CTNND2: variants seen among roughly 807,000 people sequenced by gnomAD.
CTNND2 encodes the protein catenin delta 2.
Under a neutral mutation model 144.4 loss-of-function variants are expected in CTNND2, and 22 were observed. The observed-to-expected ratio is 0.15, with a 90% CI of 0.11 to 0.22. CTNND2 has a LOEUF of 0.22. Among genes scored for constraint, CTNND2 ranks in the 10% least tolerant of loss-of-function variants. The probability of loss-of-function intolerance (pLI) is 1.00; values close to 1 mark genes in which losing one functional copy is unlikely to be tolerated. For missense variants in CTNND2, 1,353 were observed against 1,618.8 expected (o/e 0.84, Z 2.82); for synonymous variants, 751 against 695.6 (o/e 1.08, Z -1.25).
intron 18 of CTNND2, among the ~76,000 whole-genome samples, chr5:11,016,967 G>A (rs749316052): frequency 3.2e-5 from 3 of 92,312 alleles, no homozygotes; most frequent in Non-Finnish European, 5.4e-5. Context: ...AGTAGAGACT[G>A]GGTTTCACCA....
At chr5:11,528,246 G>A (rs184121404) in intron 3 of CTNND2, among the ~76,000 whole-genome samples, 19 of 151,950 alleles carry the variant, frequency 1.3e-4, no homozygotes, top group Admixed American at 3.3e-4. Context: ...GAGACAAGCC[G>A]CACAGGTCAC....
chr5:11,871,767 T>C (rs1735144276), intron 1 of CTNND2, among the ~76,000 whole-genome samples: 1 of 152,196 alleles, frequency 6.6e-6, no homozygotes, highest in Admixed American at 6.5e-5. Context: ...AGACTTGAGA[T>C]TGGACAAGCC....
intron 9 of CTNND2, among the ~76,000 whole-genome samples, chr5:11,282,390 T>C (rs1324183568): frequency 1.3e-5 from 2 of 152,112 alleles, no homozygotes; most frequent in Non-Finnish European, 2.9e-5. Flanking sequence ...ACCCTCTCTC[T>C]CCTAGCATGC....
chr5:11,775,063 G>A (rs1054774499), intron 1 of CTNND2, among the ~76,000 whole-genome samples: 11 of 152,064 alleles, frequency 7.2e-5, no homozygotes, highest in Non-Finnish European at 1.0e-4. Context: ...CGGGGGGGCG[G>A]TGCGGGCAAG....
At chr5:11,731,425 G>T (rs1459697948) in intron 2 of CTNND2, among the ~76,000 whole-genome samples, 1 of 152,138 alleles carries the variant, frequency 6.6e-6, no homozygotes, top group Non-Finnish European at 1.5e-5. Context: ...AAACGCGGCA[G>T]GCTTTTTTAC....
intron 18 of CTNND2, among the ~76,000 whole-genome samples, chr5:11,006,806 G>C (rs1303928243): frequency 6.6e-6 from 1 of 152,102 alleles, no homozygotes; most frequent in Non-Finnish European, 1.5e-5. Flanking sequence ...GATGGGGAGA[G>C]GACATTTCTC....
At chr5:11,796,977 G>T (rs1791438138) in intron 1 of CTNND2, among the ~76,000 whole-genome samples, 1 of 152,098 alleles carries the variant, frequency 6.6e-6, no homozygotes, top group African/African-American at 2.4e-5. Context: ...CAGAACTATT[G>T]TCCATAAACA....
At chr5:11,879,339 G>GCATATATATATATATATATATATATA (rs1735799062) in intron 1 of CTNND2, among the ~76,000 whole-genome samples, 1 of 100,964 alleles carries the variant, frequency 9.9e-6, no homozygotes, top group Non-Finnish European at 2.2e-5. Context: ...AATTAAATGT[G>GCATATATATATATATATATATATATA]TGTATATATA....
chr5:11,207,423 ATTTAAC>A (rs1738166278), intron 10 of CTNND2, among the ~76,000 whole-genome samples: 1 of 152,068 alleles, frequency 6.6e-6, no homozygotes, highest in Non-Finnish European at 1.5e-5. Flanking sequence ...GCCTCATGTT[ATTTAAC>A]TTTATTATAT....
intron 1 of CTNND2, among the ~76,000 whole-genome samples, chr5:11,800,511 T>A (rs1479548629): frequency 6.6e-6 from 1 of 152,146 alleles, no homozygotes; most frequent in African/African-American, 2.4e-5. Flanking sequence ...CTAGCATACA[T>A]CCCTTAATTT....
intron 3 of CTNND2, among the ~76,000 whole-genome samples, chr5:11,442,607 G>A (rs929996514): frequency 9.2e-5 from 14 of 151,856 alleles, no homozygotes; most frequent in Admixed American, 1.3e-4. Flanking sequence ...GAAGGCTTTC[G>A]CAGTGCTCCA....
At chr5:11,638,871 G>A (rs372288802) in intron 2 of CTNND2, among the ~76,000 whole-genome samples, 5 of 152,078 alleles carry the variant, frequency 3.3e-5, no homozygotes, top group Admixed American at 6.6e-5. Flanking sequence ...ACTGCACCCC[G>A]GCCATAACCT....
chr5:11,818,588 G>A (rs1057420161), intron 1 of CTNND2, among the ~76,000 whole-genome samples: 2 of 151,996 alleles, frequency 1.3e-5, no homozygotes, highest in East Asian at 1.9e-4. Context: ...GACTGGTCTC[G>A]AACTCCTGAC....
intron 16 of CTNND2, among the ~76,000 whole-genome samples, chr5:11,024,305 T>C (rs1033251768): frequency 6.6e-6 from 1 of 152,232 alleles, no homozygotes; most frequent in Non-Finnish European, 1.5e-5. Flanking sequence ...AGTGTGTTCA[T>C]TCACTTGATG....
At chr5:11,479,341 A>C (rs910032630) in intron 3 of CTNND2, among the ~76,000 whole-genome samples, 21 of 152,106 alleles carry the variant, frequency 1.4e-4, no homozygotes, top group Non-Finnish European at 2.5e-4. Context: ...GTTCTTTTTT[A>C]TGGCTGTGTA....
intron 5 of CTNND2, among the ~76,000 whole-genome samples, chr5:11,402,342 C>G (rs1760714229): frequency 6.6e-6 from 1 of 152,128 alleles, no homozygotes; most frequent in South Asian, 2.1e-4. Context: ...GTAGAACTTA[C>G]ATACAAAAGG....
In CTNND2 at chr5:11,354,023, TC is replaced by T. The variant is rs541726740; in HGVS notation, c.1373-7397del. 1.5e-4 allele frequency among the ~76,000 whole-genome samples: 23 copies of T among 152,138 alleles called. No homozygotes were observed. The South Asian group carries it at 4.4e-3, about 29-fold the overall frequency. On this transcript the variant is annotated intron_variant, in intron 8 of 21. Coordinates refer to ENST00000304623, the MANE Select transcript of CTNND2 (RefSeq NM_001332.4). ...AGTAAGATGAGGGGACCGAGCAAAC[TC>T]ATCACAGGACAAGAGAGAGGCAGGC...
chr5:11,396,407 T>G (rs1038650712), intron 6 of CTNND2, among the ~76,000 whole-genome samples: 8 of 152,180 alleles, frequency 5.3e-5, no homozygotes, highest in African/African-American at 1.9e-4. Context: ...GGTAGCTGCT[T>G]CTTTTTACCA....
chr5:11,736,165 C>T (rs1234812421), intron 1 of CTNND2, among the ~76,000 whole-genome samples: 3 of 152,184 alleles, frequency 2.0e-5, no homozygotes, highest in Admixed American at 6.5e-5. Flanking sequence ...CCTCCTAATG[C>T]TACTCTACTA....
Sources: allele counts gnomAD v4.1 joint callset (sites outside exome capture counted in the v4.1 genomes callset), GRCh38; gene constraint gnomAD v4.1.1; transcripts MANE v1.5; gene names NCBI Gene and HGNC (gene_info 2026-07-23, HGNC 2026-07-21).